The following EML2 variants were observed in gnomAD, a reference collection of about 807,000 sequenced individuals.
The protein encoded by EML2 is EMAP like 2, also known as echinoderm microtubule-associated protein-like 2.
Under a neutral mutation model 84.7 loss-of-function variants are expected in EML2, and 59 were observed. That is an observed-to-expected ratio of 0.70 (90% CI 0.56 to 0.86). The LOEUF is 0.86. Ranked by LOEUF, EML2 falls within the 40% of genes least tolerant of loss-of-function variation. The pLI is 0.00. For synonymous variants in EML2, 352 were observed against 348.9 expected (o/e 1.01, Z -0.10); for missense variants, 818 against 855.6 (o/e 0.96, Z 0.55).
chr19:45,640,848 ACT>A (rs1461660579), upstream of EML2: 1 of 151,944 alleles, frequency 6.6e-6, no homozygotes, highest in African/African-American at 2.4e-5. Flanking sequence ...TTAGTTTTTG[ACT>A]CTGTCCAGAT....
At chr19:45,641,904 G>T, upstream of EML2, 2 of 1,446,952 alleles carry the variant, frequency 1.4e-6, no homozygotes, top group Non-Finnish European at 9.1e-7. Flanking sequence ...GGGGGTCCCG[G>T]CCTTGTGCCT....
chr19:45,609,574 A>C lies in EML2; in HGVS notation c.*89T>G. On this transcript the variant is annotated 3_prime_UTR_variant, in exon 19 of 19. Coordinates refer to ENST00000245925, the MANE Select transcript of EML2 (RefSeq NM_012155.4). ...CCCCATAACCCCCTCTGCTATAGAC[A>C]TACTCTGGGTATATATTACTCTACT... The C allele has an allele frequency of 4.4e-6, 6 of 1,363,792 alleles. No individual in the cohort carries two copies. The highest frequency in any genetic ancestry group is 2.9e-5 in the East Asian group (1 of 34,904). The allele number at this position is 1,363,792 out of a possible 1,614,324, so 84.5% of individuals were successfully genotyped here. A position where few individuals can be genotyped will look rare whatever the true frequency, so the allele number is the denominator to read the frequency against.
intron 3 of EML2, among the ~76,000 whole-genome samples, chr19:45,635,080 A>T (rs1252936697): frequency 6.6e-6 from 1 of 151,474 alleles, no homozygotes; most frequent in Non-Finnish European, 1.5e-5. Context: ...CAATCTCCTG[A>T]CCTCATGATC....
Position 45,638,644 on chromosome 19 carries a change from C to T in EML2, c.50-10G>A. Reference sequence around the variant, plus strand: ...TTCACGGAGCCATCCTCTGCCAGGACACCCCCAGAGGTCAGGCACTGACAC... The same window carrying T: ...TTCACGGAGCCATCCTCTGCCAGGATACCCCCAGAGGTCAGGCACTGACAC... On this transcript the variant is annotated splice_polypyrimidine_tract_variant and intron_variant, in intron 2 of 18. Transcript: ENST00000245925. 1.2e-6 allele frequency: 2 copies of T among 1,613,418 alleles called. No individual in the cohort carries two copies. Among genetic ancestry groups the T allele is most frequent in the Non-Finnish European group, 1.7e-6 (2 of 1,179,752 alleles).
At chr19:45,612,740 C>T (rs1389258072) in intron 18 of EML2, among the ~76,000 whole-genome samples, 1 of 151,928 alleles carries the variant, frequency 6.6e-6, no homozygotes, top group Non-Finnish European at 1.5e-5. Context: ...ATAAATATAC[C>T]AAATCTGGTA....
chr19:45,637,837 C>T (rs900289469), intron 3 of EML2, among the ~76,000 whole-genome samples: 5 of 151,924 alleles, frequency 3.3e-5, no homozygotes, highest in Admixed American at 6.6e-5. Flanking sequence ...CCACCACACT[C>T]GGCTAATTTT....
chr19:45,616,246 A>G (rs1215101487), intron 15 of EML2: 1 of 566,074 alleles, frequency 1.8e-6, no homozygotes, highest in Non-Finnish European at 3.2e-6. Flanking sequence ...GCGGGGCTAC[A>G]CAGATGGGCT....
chr19:45,621,506 A>G lies in EML2; in HGVS notation c.973T>C (p.Tyr325His), dbSNP rs1271424665. Residue 325 changes from tyrosine (Y) to histidine (H), a missense_variant, in exon 10 of 19, where the codon TAC (tyrosine) becomes CAC (histidine). Transcript: ENST00000245925. Reference protein sequence around the residue: ...DRRVVLWGSDYSKLQEVEVPE... With the variant: ...DRRVVLWGSDHSKLQEVEVPE... ...ACCTCCACTTCCTGCAGCTTGCTGTAGTCAGAACCCCAGAGGACCACCCGC... is the reference window on the plus strand; with the variant it reads ...ACCTCCACTTCCTGCAGCTTGCTGTGGTCAGAACCCCAGAGGACCACCCGC... 6.2e-7 allele frequency: 1 copy of G among 1,611,716 alleles called. No individual in the cohort carries two copies. The highest frequency in any genetic ancestry group is 2.2e-5 in the East Asian group (1 of 44,864).
chr19:45,641,522 C>T (rs1600243677), upstream of EML2: 6 of 1,011,516 alleles, frequency 5.9e-6, no homozygotes, highest in East Asian at 1.3e-4. Flanking sequence ...GCACCGTCCC[C>T]GCTTTTGAAC....
Position 45,638,613 on chromosome 19 carries a change from A to T in EML2, c.71T>A (p.Phe24Tyr), listed in dbSNP as rs1331742193. ...FSVEDGSVKM[F>Y]LRGRPVPMMI... is the part of the protein sequence containing the mutation. ...CATGGGCACAGGGCGGCCCCTCAGG[A>T]ACATTTTCACGGAGCCATCCTCTGC... Residue 24 changes from phenylalanine to tyrosine, a missense_variant, in exon 3 of 19, where the codon TTC (phenylalanine) becomes TAC (tyrosine). Phe to Tyr is a conservative substitution (Grantham distance 22). Transcript: ENST00000245925. 1 of 1,614,024 alleles carries T rather than the reference A, an allele frequency of 6.2e-7. No individual in the cohort carries two copies. The highest frequency in any genetic ancestry group is 8.5e-7 in the Non-Finnish European group (1 of 1,179,992).
At chr19:45,627,156 C>G (rs1972452023) in intron 7 of EML2, among the ~76,000 whole-genome samples, 1 of 151,884 alleles carries the variant, frequency 6.6e-6, no homozygotes, top group Non-Finnish European at 1.5e-5. Context: ...GACAGGATTT[C>G]ACCATGTTTC....
chr19:45,622,994 C>T (rs1971889421), intron 9 of EML2, among the ~76,000 whole-genome samples: 1 of 145,076 alleles, frequency 6.9e-6, no homozygotes, highest in South Asian at 2.2e-4. Flanking sequence ...TTGCAGTGAG[C>T]TGAGATTGCG....
At chr19:45,644,890 C>A, upstream of EML2, 1 of 433,004 alleles carries the variant, frequency 2.3e-6, no homozygotes, top group East Asian at 6.7e-5. Context: ...AAATCCACCC[C>A]CACCCCCTCT....
intron 4 of EML2, among the ~76,000 whole-genome samples, chr19:45,633,833 C>A (rs989801298): frequency 6.6e-6 from 1 of 152,238 alleles, no homozygotes; most frequent in Non-Finnish European, 1.5e-5. Flanking sequence ...CAGCCTCCAA[C>A]TCCTGGACTT....
chr19:45,640,411 T>G (rs773291784), upstream of EML2: 10 of 113,076 alleles, frequency 8.8e-5, no homozygotes, highest in African/African-American at 1.9e-4. Context: ...TTTTTTTTTT[T>G]GTTTTTTGTT....
intron 9 of EML2, 98 bp from the exon 10 acceptor site, chr19:45,621,735 C>T: frequency 1.5e-6 from 2 of 1,299,684 alleles, no homozygotes; most frequent in Middle Eastern, 1.9e-4. Flanking sequence ...CATCCATTCT[C>T]ACCCACTTTT....
At chr19:45,637,650 TTTTTTC>T (rs368212345) in intron 3 of EML2, among the ~76,000 whole-genome samples, 1 of 97,962 alleles carries the variant, frequency 1.0e-5, no homozygotes, top group Non-Finnish European at 2.5e-5. Context: ...TGGCTATTTT[TTTTTTC>T]TTTTTCTTTT....
rs1429372463 is a variant in EML2, at chr19:45,616,177, G to C, written c.1509+284C>G. On this transcript the variant is annotated intron_variant, in intron 15 of 18. Coordinates refer to ENST00000245925, the MANE Select transcript of EML2 (RefSeq NM_012155.4). ...GAGGAGCTGGCTTTGAATGTTGAGG[G>C]GCGGGGCTACACAGAGGGGCGGTCT... The C allele has an allele frequency of 7.1e-6, 4 of 564,060 alleles. No homozygotes were observed. In the East Asian group the frequency reaches 1.2e-4, roughly 16 times the overall value. 34.9% of individuals were successfully genotyped at this position (564,060 alleles called of 1,614,324 possible). A position where few individuals can be genotyped will look rare whatever the true frequency, so the allele number is the denominator to read the frequency against.
At chr19:45,638,221 C>G (rs1411294587) in intron 3 of EML2, among the ~76,000 whole-genome samples, 4 of 152,216 alleles carry the variant, frequency 2.6e-5, no homozygotes, top group Non-Finnish European at 5.9e-5. Context: ...GTCACACGGC[C>G]AGGTACGGGC....
Sources: gnomAD v4.1 joint callset for allele counts (sites outside exome capture counted in the v4.1 genomes callset) on GRCh38, gnomAD v4.1.1 for gene constraint, MANE v1.5 for transcripts, NCBI Gene and HGNC (gene_info 2026-07-23, HGNC 2026-07-21) for gene names.